Variants in ATRNL1 observed in about 807,000 individuals in gnomAD.
The protein encoded by ATRNL1 is attractin-like protein 1.
A neutral mutation model predicts 182.7 loss-of-function variants in ATRNL1; 95 were observed. The ratio of observed to expected loss-of-function variants is 0.52; its 90% CI spans 0.44 to 0.62. The LOEUF (loss-of-function observed/expected upper bound fraction) is 0.62, where lower values mean the gene tolerates loss of function less well. Among genes scored for constraint, ATRNL1 ranks in the 20% least tolerant of loss-of-function variants. The probability of loss-of-function intolerance (pLI) is 0.00; values close to 1 mark genes in which losing one functional copy is unlikely to be tolerated. For synonymous variants in ATRNL1, 576 were observed against 568.3 expected (o/e 1.01, Z -0.19); for missense variants, 1,471 against 1,679.5 (o/e 0.88, Z 2.17).
intron 28 of ATRNL1, among the ~76,000 whole-genome samples, chr10:115,925,494 C>T (rs1043005265): frequency 2.0e-5 from 3 of 151,982 alleles, no homozygotes; most frequent in Admixed American, 1.3e-4. Flanking sequence ...GAACCATCAG[C>T]GTGCTGTATT....
chr10:115,681,153 G>A (rs1946034351), intron 26 of ATRNL1, among the ~76,000 whole-genome samples: 1 of 152,038 alleles, frequency 6.6e-6, no homozygotes, highest in African/African-American at 2.4e-5. Flanking sequence ...ATCTTCTCAT[G>A]TACAAAATAG....
chr10:115,802,173 G>A (rs1197834393), intron 27 of ATRNL1, among the ~76,000 whole-genome samples: 1 of 152,012 alleles, frequency 6.6e-6, no homozygotes, highest in Non-Finnish European at 1.5e-5. Context: ...CAAGGAAGCT[G>A]TCTCCCCTAT....
chr10:115,117,444 A>C (rs1324109257), intron 1 of ATRNL1, among the ~76,000 whole-genome samples: 1 of 152,116 alleles, frequency 6.6e-6, no homozygotes, highest in African/African-American at 2.4e-5. Context: ...CAAATCAGTG[A>C]GAACATATAA....
chr10:115,386,184 G>A (rs1858338298), intron 19 of ATRNL1, among the ~76,000 whole-genome samples: 1 of 152,144 alleles, frequency 6.6e-6, no homozygotes, highest in African/African-American at 2.4e-5. Context: ...TCTAATTCAT[G>A]TGCATGGCAT....
At chr10:115,475,725 T>G (rs1848498307) in intron 24 of ATRNL1, among the ~76,000 whole-genome samples, 2 of 151,402 alleles carry the variant, frequency 1.3e-5, no homozygotes, top group South Asian at 4.1e-4. Context: ...TGTTCTAAAT[T>G]GTAAATAGAT....
intron 28 of ATRNL1, among the ~76,000 whole-genome samples, chr10:115,895,516 A>G (rs1305156238): frequency 1.3e-5 from 2 of 152,194 alleles, no homozygotes; most frequent in Non-Finnish European, 1.5e-5. Flanking sequence ...CCTTCATCTG[A>G]CAAACCCTCA....
intron 26 of ATRNL1, among the ~76,000 whole-genome samples, chr10:115,706,685 T>A (rs1946910191): frequency 6.6e-6 from 1 of 151,920 alleles, no homozygotes; most frequent in African/African-American, 2.4e-5. Flanking sequence ...GATGGCAAAC[T>A]TTGTCATTAT....
chr10:115,563,119 C>T (rs1402684282), intron 26 of ATRNL1, among the ~76,000 whole-genome samples: 1 of 152,122 alleles, frequency 6.6e-6, no homozygotes, highest in Non-Finnish European at 1.5e-5. Context: ...TTATTTGCCT[C>T]ATGGTTCCAC....
chr10:115,684,388 A>T (rs10885770), intron 26 of ATRNL1, among the ~76,000 whole-genome samples: 55,721 of 150,582 alleles, frequency 0.37, 11,111 homozygotes, highest in Admixed American at 0.53. Flanking sequence ...TGCCTGTGTG[A>T]GTATAATGTT....
chr10:115,094,966 C>T (rs571246372), intron 1 of ATRNL1, among the ~76,000 whole-genome samples: 14 of 152,242 alleles, frequency 9.2e-5, no homozygotes, highest in African/African-American at 3.4e-4. Context: ...ATCGCTTTGG[C>T]TTGTTTGAAG....
chr10:115,227,201 T>G (rs1216478700), intron 9 of ATRNL1, among the ~76,000 whole-genome samples: 1 of 152,030 alleles, frequency 6.6e-6, no homozygotes, highest in Non-Finnish European at 1.5e-5. Context: ...ATCCGGAATC[T>G]GTAGAGAACT....
chr10:115,096,465 C>G (rs1008015421), intron 1 of ATRNL1, among the ~76,000 whole-genome samples: 4 of 152,154 alleles, frequency 2.6e-5, no homozygotes, highest in Non-Finnish European at 5.9e-5. Flanking sequence ...GAAGTAATAA[C>G]ACAGTGGGAA....
intron 26 of ATRNL1, among the ~76,000 whole-genome samples, chr10:115,657,314 C>T (rs1860390725): frequency 6.6e-6 from 1 of 152,106 alleles, no homozygotes; most frequent in Admixed American, 6.5e-5. Context: ...GCTACAGATG[C>T]TGACAAATAG....
Position 115,461,932 on chromosome 10 carries a change from T to G in ATRNL1, c.3323-9T>G. ...CATATCAGGATTGTACTTTTTTTCC[T>G]CCCTACAGACAGCCTTTTGATTGAT... On this transcript the variant is annotated splice_polypyrimidine_tract_variant and intron_variant, in intron 21 of 28. Transcript: ENST00000355044. The G allele has an allele frequency of 1.1e-5, 17 of 1,598,520 alleles. No individual in the cohort carries two copies. The highest frequency in any genetic ancestry group is 1.5e-5 in the Non-Finnish European group (17 of 1,171,976).
chr10:115,552,874 T>C (rs1421934776), intron 26 of ATRNL1, among the ~76,000 whole-genome samples: 1 of 151,358 alleles, frequency 6.6e-6, no homozygotes, highest in African/African-American at 2.4e-5. Flanking sequence ...TAAGTGTATA[T>C]TGATAAGTGG....
At chr10:115,844,416 C>A (rs1950882382) in intron 27 of ATRNL1, among the ~76,000 whole-genome samples, 1 of 152,002 alleles carries the variant, frequency 6.6e-6, no homozygotes, top group African/African-American at 2.4e-5. Context: ...AGGATTGATC[C>A]TGAGCTCAAA....
intron 26 of ATRNL1, among the ~76,000 whole-genome samples, chr10:115,609,527 T>C (rs949881929): frequency 3.9e-5 from 6 of 152,222 alleles, no homozygotes; most frequent in African/African-American, 1.4e-4. Context: ...TTTGTAATAA[T>C]CATTAAAATG....
intron 10 of ATRNL1, among the ~76,000 whole-genome samples, chr10:115,243,120 G>A (rs1217329814): frequency 6.6e-6 from 1 of 151,976 alleles, no homozygotes; most frequent in Non-Finnish European, 1.5e-5. Flanking sequence ...ATACATTGTT[G>A]TTGTCATTGT....
chr10:115,495,304 T>G (rs2133608010), intron 24 of ATRNL1, among the ~76,000 whole-genome samples: 1 of 152,316 alleles, frequency 6.6e-6, no homozygotes, highest in Non-Finnish European at 1.5e-5. Flanking sequence ...TATGATTTTG[T>G]GTCTCACTAT....
Sources: gnomAD v4.1 joint callset for allele counts (sites outside exome capture counted in the v4.1 genomes callset) on GRCh38, gnomAD v4.1.1 for gene constraint, MANE v1.5 for transcripts, NCBI Gene and HGNC (gene_info 2026-07-23, HGNC 2026-07-21) for gene names.